Variants in BMPR1B observed in about 807,000 individuals in gnomAD.
BMPR1B encodes the protein bone morphogenetic protein receptor type-1B.
A neutral mutation model predicts 59.1 loss-of-function variants in BMPR1B; 12 were observed. The observed-to-expected ratio is 0.20, with a 90% CI of 0.13 to 0.33. BMPR1B has a LOEUF of 0.33. Among genes scored for constraint, BMPR1B ranks in the 10% least tolerant of loss-of-function variants. The pLI, the probability that BMPR1B is intolerant of heterozygous loss-of-function variation, is 1.00. For missense variants in BMPR1B, 550 were observed against 610.9 expected (o/e 0.90, Z 1.05); for synonymous variants, 237 against 207.3 (o/e 1.14, Z -1.23).
intron 2 of BMPR1B, among the ~76,000 whole-genome samples, chr4:94,980,276 G>T (rs1305778569): frequency 6.6e-6 from 1 of 152,064 alleles, no homozygotes; most frequent in Non-Finnish European, 1.5e-5. Flanking sequence ...TAAAATATAG[G>T]CAAAGCATGG....
chr4:95,064,884 A>C (rs1027863818), intron 3 of BMPR1B, among the ~76,000 whole-genome samples: 1 of 152,150 alleles, frequency 6.6e-6, no homozygotes, highest in Non-Finnish European at 1.5e-5. Flanking sequence ...AAATGATCCT[A>C]AAGATGTGGA....
chr4:95,029,421 A>G (rs1208716983), intron 3 of BMPR1B, among the ~76,000 whole-genome samples: 1 of 141,350 alleles, frequency 7.1e-6, no homozygotes, highest in Non-Finnish European at 1.5e-5. Flanking sequence ...TACAAAGGAC[A>G]TGAACACATC....
chr4:94,758,888 A>G (rs2110551438), intron 1 of BMPR1B, among the ~76,000 whole-genome samples: 1 of 150,216 alleles, frequency 6.7e-6, no homozygotes, highest in South Asian at 2.1e-4. Flanking sequence ...CTGTCCCTTC[A>G]TCCTCTTCCC....
chr4:94,844,223 T>TTGTGTGTGTGTGTGTG (rs150471976), intron 1 of BMPR1B, among the ~76,000 whole-genome samples: 28 of 146,658 alleles, frequency 1.9e-4, no homozygotes, highest in East Asian at 1.0e-3. Context: ...TGAATCATCT[T>TTGTGTGTGTGTGTGTG]TGTGTGTGTG....
chr4:95,011,579 G>A (rs1723232663), intron 3 of BMPR1B, among the ~76,000 whole-genome samples: 1 of 152,116 alleles, frequency 6.6e-6, no homozygotes, highest in Non-Finnish European at 1.5e-5. Flanking sequence ...ATACCTCCTA[G>A]GCAAGTACCT....
chr4:95,076,638 T>C (rs1291558611), intron 3 of BMPR1B, among the ~76,000 whole-genome samples: 10 of 152,092 alleles, frequency 6.6e-5, no homozygotes, highest in Admixed American at 6.6e-4. Context: ...GTCACACAGC[T>C]AATTATCCAA....
chr4:95,105,187 A>G (rs772421215), intron 4 of BMPR1B, among the ~76,000 whole-genome samples: 1 of 152,102 alleles, frequency 6.6e-6, no homozygotes, highest in Non-Finnish European at 1.5e-5. Context: ...AGCTCCATCC[A>G]TTCCTCTGAT....
intron 10 of BMPR1B, among the ~76,000 whole-genome samples, chr4:95,148,431 T>G (rs1045097966): frequency 1.3e-5 from 2 of 152,102 alleles, no homozygotes; most frequent in African/African-American, 4.8e-5. Context: ...CTAACTTTTT[T>G]TAAGAGATGG....
intron 3 of BMPR1B, among the ~76,000 whole-genome samples, chr4:94,999,182 T>C (rs2149106898): frequency 6.6e-6 from 1 of 152,298 alleles, no homozygotes; most frequent in South Asian, 2.1e-4. Flanking sequence ...GGCCAGATTT[T>C]TAAATTTAAT....
chr4:94,810,207 C>A (rs894706621), intron 1 of BMPR1B, among the ~76,000 whole-genome samples: 1 of 152,148 alleles, frequency 6.6e-6, no homozygotes, highest in Non-Finnish European at 1.5e-5. Context: ...TCAAGCCCAT[C>A]GAAGTATTTT....
intron 2 of BMPR1B, among the ~76,000 whole-genome samples, chr4:94,889,284 C>T (rs1282797348): frequency 6.6e-6 from 1 of 151,700 alleles, no homozygotes; most frequent in African/African-American, 2.4e-5. Flanking sequence ...ACATTTTTTC[C>T]AGTAATAATA....
chr4:95,090,428 A>C (rs1729896511), intron 3 of BMPR1B, among the ~76,000 whole-genome samples: 1 of 151,926 alleles, frequency 6.6e-6, no homozygotes. Flanking sequence ...ATAAGATTTC[A>C]GGTCATTTGT....
intron 2 of BMPR1B, among the ~76,000 whole-genome samples, chr4:94,909,706 T>C (rs141081941): frequency 1.1e-3 from 170 of 152,112 alleles, no homozygotes; most frequent in African/African-American, 3.8e-3. Flanking sequence ...TCACTATAAT[T>C]ATTTGTGAGA....
chr4:95,059,447 A>T (rs1727180198), intron 3 of BMPR1B, among the ~76,000 whole-genome samples: 3 of 152,160 alleles, frequency 2.0e-5, no homozygotes, highest in Non-Finnish European at 4.4e-5. Context: ...AGTCTAAAGG[A>T]GAAAGAGCCT....
At chr4:95,114,862 A>T in intron 5 of BMPR1B, 40 bp downstream of exon 5, 1 of 1,527,162 alleles carries the variant, frequency 6.5e-7, no homozygotes. Context: ...TTCATTGGCT[A>T]GATTTCCAAC....
chr4:94,980,980 G>C (rs556214918), intron 2 of BMPR1B, among the ~76,000 whole-genome samples: 1 of 76,564 alleles, frequency 1.3e-5, no homozygotes, highest in Admixed American at 1.4e-4. Flanking sequence ...AGGTGGCAGA[G>C]CAAGACTCCA....
chr4:95,024,600 A>G (rs772361806), intron 3 of BMPR1B, among the ~76,000 whole-genome samples: 1 of 152,214 alleles, frequency 6.6e-6, no homozygotes, highest in Non-Finnish European at 1.5e-5. Context: ...AATATCAATT[A>G]TGCCAGTCAC....
intron 2 of BMPR1B, among the ~76,000 whole-genome samples, chr4:94,968,910 CCT>C (rs1385920417): frequency 1.3e-5 from 2 of 152,112 alleles, no homozygotes; most frequent in African/African-American, 2.4e-5. Context: ...CCAACTCTAC[CCT>C]GTTTCTGCTG....
chr4:95,114,916 A>T, intron 5 of BMPR1B, 94 bp downstream of exon 5: 6 of 1,200,000 alleles, frequency 5.0e-6, no homozygotes, highest in Non-Finnish European at 7.5e-6. Context: ...TGGCCAGCCC[A>T]TTTTTAGTAT....
Sources: allele counts gnomAD v4.1 joint callset (sites outside exome capture counted in the v4.1 genomes callset), GRCh38; gene constraint gnomAD v4.1.1; transcripts MANE v1.5; gene names NCBI Gene and HGNC (gene_info 2026-07-23, HGNC 2026-07-21).